BANP: variants seen among roughly 807,000 people sequenced by gnomAD.
The protein encoded by BANP is protein BANP.
In BANP, 11 loss-of-function variants were observed where a neutral mutation model predicts 68.1. That is an observed-to-expected ratio of 0.16 (90% CI 0.10 to 0.27). The LOEUF is 0.27. Among genes scored for constraint, BANP ranks in the 10% least tolerant of loss-of-function variants. The probability of loss-of-function intolerance (pLI) is 1.00; values close to 1 mark genes in which losing one functional copy is unlikely to be tolerated. For synonymous variants in BANP, 329 were observed against 303.2 expected, an observed-to-expected ratio of 1.09 and a Z score of -0.88; for missense variants, 504 against 722.7, an observed-to-expected ratio of 0.70 and a Z score of 3.47.
intron 4 of BANP, among the ~76,000 whole-genome samples, chr16:87,986,965 T>A (rs1164301571): frequency 1.3e-5 from 2 of 152,194 alleles, no homozygotes; most frequent in Non-Finnish European, 2.9e-5. Context: ...TTTGTAAAAA[T>A]TAAGATTAAT....
chr16:87,984,023 G>T (rs1306049325), intron 3 of BANP, 37 bp from the exon 4 acceptor site: 3 of 1,607,624 alleles, frequency 1.9e-6, no homozygotes, highest in African/African-American at 2.7e-5. Context: ...TACAGTTCAG[G>T]AGACCCTTCC....
intron 4 of BANP, among the ~76,000 whole-genome samples, chr16:87,988,142 A>G (rs763515509): frequency 2.0e-5 from 3 of 152,372 alleles, no homozygotes; most frequent in Non-Finnish European, 1.5e-5. Flanking sequence ...TTGTGAACAC[A>G]TATGAATGAA....
rs145064259 is a variant in BANP at position 87,957,920 on chromosome 16, C to T, written c.-69+6405C>T. ...CCTCAAGTGAGCTCAGCTCTTGTGT[C>T]GGTGGGAGCTGGCGGTGGGTCCCTG... On this transcript the variant is annotated intron_variant, in intron 1 of 13. Transcript: ENST00000682872. This position sits in a 1 kb window ranked among gnomAD's most constrained non-coding sequence, Gnocchi z 4.3. Among the ~76,000 whole-genome samples, 73 of 152,218 alleles carry T rather than the reference C, an allele frequency of 4.8e-4. 1 individual carries two copies. The highest frequency in any genetic ancestry group is 1.3e-3 in the African/African-American group (55 of 41,516).
chr16:88,066,068 G>A (rs754056891), intron 12 of BANP, among the ~76,000 whole-genome samples: 4 of 152,164 alleles, frequency 2.6e-5, no homozygotes, highest in Admixed American at 6.5e-5. Context: ...CCACTACTGC[G>A]GCAGGTGCAG....
In BANP at chr16:88,077,180, G is replaced by T. The variant is rs2091735377; in HGVS notation, c.*519G>T. 1 of 154,548 alleles carries T rather than the reference G, an allele frequency of 6.5e-6. No individual in the cohort carries two copies. Among genetic ancestry groups the T allele is most frequent in the African/African-American group, 2.4e-5 (1 of 41,496 alleles). 9.6% of individuals were successfully genotyped at this position (154,548 alleles called of 1,614,324 possible). On this transcript the variant is annotated 3_prime_UTR_variant, in exon 14 of 14. Coordinates refer to ENST00000682872, the MANE Select transcript of BANP (RefSeq NM_001386991.1). Reference sequence around the variant, plus strand: ...ACGGGAGCCCTTTGCTGTGTGCTCTGTCCAGTGTCATGAGGCAGGTGTTTG... The same window carrying T: ...ACGGGAGCCCTTTGCTGTGTGCTCTTTCCAGTGTCATGAGGCAGGTGTTTG...
At chr16:87,961,233 G>C (rs915645250) in intron 1 of BANP, among the ~76,000 whole-genome samples, 8 of 152,194 alleles carry the variant, frequency 5.3e-5, no homozygotes, top group African/African-American at 1.9e-4. Context: ...TGTTGGTGTG[G>C]TGTCAAAGAG....
rs995880538 is a variant in BANP at position 88,076,835 on chromosome 16, C to T, written c.*174C>T. The T allele has an allele frequency of 3.4e-6, 2 of 592,268 alleles. No homozygotes were observed. Among genetic ancestry groups the T allele is most frequent in the South Asian group, 2.2e-5 (1 of 46,486 alleles). The allele number at this position is 592,268 out of a possible 1,614,324, so 36.7% of individuals were successfully genotyped here. Reference sequence around the variant, plus strand: ...TCCTATCAACTGAAAGAGCAGCCGCCGCCGCCCCCAGCCGGAGACCCCTTT... The same window carrying T: ...TCCTATCAACTGAAAGAGCAGCCGCTGCCGCCCCCAGCCGGAGACCCCTTT... On this transcript the variant is annotated 3_prime_UTR_variant, in exon 14 of 14. Transcript: ENST00000682872.
At chr16:88,010,946 GTTTT>G (rs1484468904) in intron 6 of BANP, among the ~76,000 whole-genome samples, 1 of 56,900 alleles carries the variant, frequency 1.8e-5, no homozygotes, top group Non-Finnish European at 3.4e-5. Context: ...TTATGTAAGT[GTTTT>G]TAACATAAGT....
intron 11 of BANP, among the ~76,000 whole-genome samples, chr16:88,047,318 C>G (rs535906402): frequency 2.6e-5 from 4 of 152,240 alleles, no homozygotes; most frequent in African/African-American, 9.6e-5. Context: ...AGTTCCTTGG[C>G]GAAAACTGCC....
chr16:87,963,514 C>A (rs1018870373), intron 1 of BANP: 1 of 152,198 alleles, frequency 6.6e-6, no homozygotes, highest in Non-Finnish European at 1.5e-5. Context: ...GTCAGAGCCC[C>A]GCTCTGGGAG....
At chr16:88,048,904 G>A (rs182299853) in intron 11 of BANP, among the ~76,000 whole-genome samples, 30 of 152,300 alleles carry the variant, frequency 2.0e-4, no homozygotes, top group Admixed American at 1.5e-3. Flanking sequence ...GCTGAAGTCA[G>A]TGTCTTCGTC....
intron 11 of BANP, among the ~76,000 whole-genome samples, chr16:88,056,563 G>A (rs1158435820): frequency 6.6e-6 from 1 of 151,700 alleles, no homozygotes; most frequent in Non-Finnish European, 1.5e-5. Context: ...CGAAGGGCTC[G>A]CTGTTAGCTG....
intron 13 of BANP, among the ~76,000 whole-genome samples, chr16:88,075,201 C>A (rs1293100684): frequency 6.6e-6 from 1 of 152,182 alleles, no homozygotes; most frequent in Non-Finnish European, 1.5e-5. Flanking sequence ...CAAAAATTAG[C>A]CAGGCATGGT....
At chr16:87,995,655 G>A (rs1190921956) in intron 4 of BANP, among the ~76,000 whole-genome samples, 1 of 152,188 alleles carries the variant, frequency 6.6e-6, no homozygotes, top group East Asian at 1.9e-4. Flanking sequence ...CTGCACTCTG[G>A]GTGGGAAGGA....
intron 11 of BANP, among the ~76,000 whole-genome samples, chr16:88,059,785 C>T (rs888266693): frequency 6.6e-6 from 1 of 152,260 alleles, no homozygotes; most frequent in African/African-American, 2.4e-5. Flanking sequence ...CGACACATGC[C>T]ATGCCCCCTC....
intron 13 of BANP, among the ~76,000 whole-genome samples, chr16:88,074,740 G>GGT (rs2091225427): frequency 6.6e-6 from 1 of 152,054 alleles, no homozygotes; most frequent in Admixed American, 6.5e-5. Flanking sequence ...CCAGGGCCCT[G>GGT]GTGTGGCTCC....
At chr16:88,037,478 C>G (rs1050760874) in intron 10 of BANP, 1 of 157,780 alleles carries the variant, frequency 6.3e-6, no homozygotes, top group Non-Finnish European at 1.4e-5. Flanking sequence ...AACACAGTTC[C>G]TTTTTACAAC....
At chr16:87,972,830 C>T (rs2061368888) in intron 1 of BANP, among the ~76,000 whole-genome samples, 1 of 152,088 alleles carries the variant, frequency 6.6e-6, no homozygotes, top group Non-Finnish European at 1.5e-5. Context: ...TGTATTTGGC[C>T]TAAAAGGGAG....
chr16:87,994,814 G>A (rs1260799821), intron 4 of BANP, among the ~76,000 whole-genome samples: 1 of 152,186 alleles, frequency 6.6e-6, no homozygotes, highest in East Asian at 1.9e-4. Context: ...GCAAACAGTA[G>A]AAATATACTT....
Sources: allele counts gnomAD v4.1 joint callset (sites outside exome capture counted in the v4.1 genomes callset), GRCh38; gene constraint gnomAD v4.1.1; non-coding constraint Gnocchi (gnomAD v3.1); transcripts MANE v1.5; gene names NCBI Gene and HGNC (gene_info 2026-07-23, HGNC 2026-07-21).